The following EPHA6 variants were observed in gnomAD, a reference collection of about 807,000 sequenced individuals.
EPHA6 encodes the protein ephrin type-A receptor 6.
EPHA6 carries 50 observed loss-of-function variants against 112.0 expected under a neutral mutation model. The ratio of observed to expected loss-of-function variants is 0.45; its 90% CI spans 0.36 to 0.56. The LOEUF is 0.56. Ranked by LOEUF, EPHA6 falls within the 20% of genes least tolerant of loss-of-function variation. The pLI is 0.00. For missense variants in EPHA6, 1,280 were observed against 1,417.4 expected, an observed-to-expected ratio of 0.90 and a Z score of 1.56; for synonymous variants, 529 against 490.7, an observed-to-expected ratio of 1.08 and a Z score of -1.03.
At chr3:97,278,888 C>A (rs1156964775) in intron 5 of EPHA6, among the ~76,000 whole-genome samples, 1 of 152,170 alleles carries the variant, frequency 6.6e-6, no homozygotes, top group Non-Finnish European at 1.5e-5. Context: ...CTGAGGGCCG[C>A]TGACACACAT....
chr3:97,447,782 G>A (rs946602805), intron 6 of EPHA6: 4 of 1,015,016 alleles, frequency 3.9e-6, no homozygotes, highest in African/African-American at 1.7e-5. Flanking sequence ...GGCAATTCAC[G>A]CAAGAGACTG....
At chr3:97,514,961 T>C (rs970856749) in intron 10 of EPHA6, among the ~76,000 whole-genome samples, 29 of 152,350 alleles carry the variant, frequency 1.9e-4, no homozygotes, top group African/African-American at 7.0e-4. Flanking sequence ...TATTTTGTTA[T>C]GGCAGCCTGA....
chr3:97,685,522 A>G (rs902555238), intron 14 of EPHA6, among the ~76,000 whole-genome samples: 16 of 152,312 alleles, frequency 1.1e-4, no homozygotes, highest in African/African-American at 3.8e-4. Context: ...GTACATGGAC[A>G]TAATGTAGAG....
rs555239382 is a variant in EPHA6 at position 96,980,370 on chromosome 3, G to A, written c.451-6960G>A. On this transcript the variant is annotated intron_variant, in intron 2 of 17. Transcript: ENST00000389672. The stretch of plus-strand genomic sequence containing the variant: ...AAAGATCAGATGGTTGTAGATGTGT[G>A]GTATTATTTCTGAGGGGTCTGTTCT... 4.4e-3 allele frequency among the ~76,000 whole-genome samples: 676 copies of A among 152,168 alleles called. 10 individuals are homozygous for A. Among genetic ancestry groups the A allele is most frequent in the African/African-American group, 0.015 (639 of 41,484 alleles).
chr3:97,686,887 G>C (rs974401350), intron 14 of EPHA6, among the ~76,000 whole-genome samples: 1 of 152,150 alleles, frequency 6.6e-6, no homozygotes, highest in Non-Finnish European at 1.5e-5. Flanking sequence ...CAGCTTTAGG[G>C]TATACATTGT....
chr3:97,395,323 C>A (rs2086637294), intron 5 of EPHA6, among the ~76,000 whole-genome samples: 1 of 151,676 alleles, frequency 6.6e-6, no homozygotes, highest in Non-Finnish European at 1.5e-5. Context: ...TTCTTAGGAA[C>A]TATTGTGATA....
chr3:97,147,802 T>C (rs1413340649), intron 3 of EPHA6, among the ~76,000 whole-genome samples: 4 of 152,052 alleles, frequency 2.6e-5, no homozygotes, highest in Non-Finnish European at 5.9e-5. Flanking sequence ...TGTCACAGAC[T>C]CGGGGTGATA....
intron 5 of EPHA6, among the ~76,000 whole-genome samples, chr3:97,372,478 G>A (rs1019283171): frequency 1.3e-5 from 2 of 152,088 alleles, no homozygotes; most frequent in Admixed American, 1.3e-4. Context: ...AGGAGATGTG[G>A]ACAGAAATGG....
intron 3 of EPHA6, among the ~76,000 whole-genome samples, chr3:97,101,504 C>G (rs16838390): frequency 0.21 from 31,955 of 151,726 alleles, 4,773 homozygotes; most frequent in African/African-American, 0.4. Context: ...TGGGAATAAC[C>G]CAAAAGGCCC....
At chr3:97,017,583 C>G (rs2044306593) in intron 3 of EPHA6, among the ~76,000 whole-genome samples, 1 of 152,018 alleles carries the variant, frequency 6.6e-6, no homozygotes, top group Non-Finnish European at 1.5e-5. Context: ...ACTGGACTCA[C>G]AGCCAGTGGA....
chr3:97,549,869 T>G (rs1299416077), intron 11 of EPHA6, among the ~76,000 whole-genome samples: 1 of 152,014 alleles, frequency 6.6e-6, no homozygotes, highest in Non-Finnish European at 1.5e-5. Flanking sequence ...TCTGGACCCA[T>G]CTATGTTGAA....
chr3:97,462,297 CCTT>C (rs1159407730), intron 7 of EPHA6, among the ~76,000 whole-genome samples: 1 of 152,002 alleles, frequency 6.6e-6, no homozygotes, highest in Non-Finnish European at 1.5e-5. Context: ...TAATTACTAC[CCTT>C]CTTCTGAGGG....
chr3:97,384,372 C>A (rs943680858), intron 5 of EPHA6, among the ~76,000 whole-genome samples: 2 of 152,186 alleles, frequency 1.3e-5, no homozygotes, highest in Non-Finnish European at 2.9e-5. Flanking sequence ...TCCAAGTAGC[C>A]TGGCTTCAAA....
intron 9 of EPHA6, chr3:97,481,404 T>A: frequency 2.1e-6 from 3 of 1,460,128 alleles, no homozygotes; most frequent in Non-Finnish European, 2.9e-6. Flanking sequence ...TTGCTGTGGG[T>A]TTTATCTGTT....
chr3:97,270,838 G>A (rs2079853836), intron 5 of EPHA6, among the ~76,000 whole-genome samples: 1 of 152,172 alleles, frequency 6.6e-6, no homozygotes. Context: ...TAGACAAGAA[G>A]CACAATATTA....
chr3:97,675,988 A>G (rs985282832), intron 14 of EPHA6, among the ~76,000 whole-genome samples: 4 of 152,160 alleles, frequency 2.6e-5, no homozygotes, highest in African/African-American at 9.7e-5. Context: ...TTCCTGGGCA[A>G]TCTGAAATGG....
Position 97,586,686 on chromosome 3 carries a change from GATA to G in EPHA6, c.2387-5925_2387-5923del, listed in dbSNP as rs543726520. On this transcript the variant is annotated intron_variant, in intron 11 of 17. Transcript: ENST00000389672. ...AAGATGGTAGGTAGGTCAGTACTTAGATAGATGGATGGATAGATGATGGATGGA... is the reference window on the plus strand; with the variant it reads ...AAGATGGTAGGTAGGTCAGTACTTAGGATGGATGGATAGATGATGGATGGA... Among the ~76,000 whole-genome samples, 422 of 151,290 alleles carry G rather than the reference GATA, an allele frequency of 2.8e-3. 5 individuals are homozygous for G. The highest frequency in any genetic ancestry group is 1.0e-2 in the African/African-American group (407 of 40,896).
chr3:97,713,518 A>G (rs2034073685), intron 14 of EPHA6, among the ~76,000 whole-genome samples: 1 of 152,260 alleles, frequency 6.6e-6, no homozygotes, highest in African/African-American at 2.4e-5. Flanking sequence ...TTGGTTATTA[A>G]GAACCAATAT....
rs2036081192 is a variant in EPHA6, at chr3:97,758,622, A to C, written c.*9921A>C. Among the ~76,000 whole-genome samples the C allele has an allele frequency of 6.6e-6, 1 of 151,942 alleles. No individual in the cohort carries two copies. Among genetic ancestry groups the C allele is most frequent in the Non-Finnish European group, 1.5e-5 (1 of 67,892 alleles). ...AGTGATAAAGACACACAATGAAGAAATAGTGATGTGCTGTGCTTATAATTA... is the reference window on the plus strand; with the variant it reads ...AGTGATAAAGACACACAATGAAGAACTAGTGATGTGCTGTGCTTATAATTA... On this transcript the variant is annotated 3_prime_UTR_variant, in exon 18 of 18. Coordinates refer to ENST00000389672, the MANE Select transcript of EPHA6 (RefSeq NM_001080448.3).
Sources: gnomAD v4.1 joint callset for allele counts (sites outside exome capture counted in the v4.1 genomes callset) on GRCh38, gnomAD v4.1.1 for gene constraint, MANE v1.5 for transcripts, NCBI Gene and HGNC (gene_info 2026-07-23, HGNC 2026-07-21) for gene names.